Variants in FOCAD observed in about 807,000 individuals in gnomAD.
The protein encoded by FOCAD is KIAA1797.
Under a neutral mutation model 225.6 loss-of-function variants are expected in FOCAD, and 198 were observed. That is an observed-to-expected ratio of 0.88 (90% CI 0.78 to 0.99). FOCAD has a LOEUF of 0.99. FOCAD is among the 50% of genes least tolerant of loss of function. FOCAD has a pLI of 0.00. For missense variants in FOCAD, 2,713 were observed against 2,123.6 expected (o/e 1.28, Z -5.46); for synonymous variants, 897 against 755.0 (o/e 1.19, Z -3.08).
chr9:20,937,989 TC>T (rs1405869014), intron 28 of FOCAD, among the ~76,000 whole-genome samples: 2 of 152,028 alleles, frequency 1.3e-5, no homozygotes, highest in South Asian at 2.1e-4. Context: ...ATGCTCATCA[TC>T]ACTGGCCATC....
chr9:20,686,096 A>T (rs7029956), intron 1 of FOCAD, among the ~76,000 whole-genome samples: 32,738 of 152,184 alleles, frequency 0.22, 3,831 homozygotes, highest in African/African-American at 0.31. Flanking sequence ...TTAAATTGTT[A>T]ATATCACTAT....
At chr9:20,782,467 C>T (rs1385770148) in intron 10 of FOCAD, among the ~76,000 whole-genome samples, 1 of 152,144 alleles carries the variant, frequency 6.6e-6, no homozygotes, top group African/African-American at 2.4e-5. Flanking sequence ...AACAGGCCTG[C>T]CACATTCCGT....
At chr9:20,794,207 A>G (rs955691515) in intron 11 of FOCAD, among the ~76,000 whole-genome samples, 10 of 152,236 alleles carry the variant, frequency 6.6e-5, no homozygotes, top group South Asian at 6.2e-4. Context: ...AAGTAACAGA[A>G]CTTAGAGAGC....
rs145021526 is a variant in FOCAD at position 20,995,556 on chromosome 9, C to T, written c.5333C>T (p.Ala1778Val). ...LSAQSRDLLK[A>V]TLLSLRVLPE... ...CCATACCTATATTTTGTCCCCTTAG[C>T]CACCCTGCTGTCCTTGAGAGTTCTC... is the stretch of plus-strand genomic sequence containing the variant. The change falls in exon 44 of 44, where the codon GCC becomes GTC. Residue 1778 changes from alanine (A) to valine (V), a missense_variant and splice_region_variant. Transcript: ENST00000338382. 4,284 of 1,611,948 alleles carry T rather than the reference C, an allele frequency of 2.7e-3. 5 individuals carry two copies. The highest frequency in any genetic ancestry group is 3.5e-3 in the Non-Finnish European group (4,080 of 1,178,248).
At chr9:20,790,214 C>G (rs1213025553) in intron 11 of FOCAD, among the ~76,000 whole-genome samples, 1 of 152,120 alleles carries the variant, frequency 6.6e-6, no homozygotes, top group Non-Finnish European at 1.5e-5. Flanking sequence ...CTTTCCCCAG[C>G]CTTTTACACT....
At chr9:20,761,624 G>A (rs188037872) in intron 6 of FOCAD, among the ~76,000 whole-genome samples, 102 of 152,128 alleles carry the variant, frequency 6.7e-4, no homozygotes, top group Admixed American at 2.6e-3. Context: ...GTTTCACTGT[G>A]TTAGCTAGGA....
chr9:20,949,640 G>C lies in FOCAD; in HGVS notation c.3913G>C (p.Gly1305Arg). The C allele has an allele frequency of 6.2e-7, 1 of 1,613,142 alleles. No homozygotes were observed. ...AGCCATCCAGACCTCTCATTTTCAA[G>C]GCAGACTTAATGAAGTCATTAGAAC... ...SEAIQTSHFQ[G>R]RLNEVIRTLT... The change falls in exon 33 of 44, where the codon GGC becomes CGC. Residue 1305 changes from glycine (G) to arginine (R), a missense_variant. Transcript: ENST00000338382.
At chr9:20,679,245 T>A (rs1469004816) in intron 2 of FOCAD, among the ~76,000 whole-genome samples, 2 of 151,934 alleles carry the variant, frequency 1.3e-5, no homozygotes, top group African/African-American at 4.8e-5. Flanking sequence ...GAACTTTCGC[T>A]TTTACTTAGA....
At chr9:20,778,851 A>C (rs1209721327) in intron 9 of FOCAD, 83 bp downstream of exon 9, 3 of 662,110 alleles carry the variant, frequency 4.5e-6, no homozygotes, top group Non-Finnish European at 7.5e-6. Context: ...GTATCCTGCT[A>C]TCTTGTGTAT....
At chr9:20,992,591 C>G (rs1260328293) in intron 42 of FOCAD, among the ~76,000 whole-genome samples, 1 of 152,030 alleles carries the variant, frequency 6.6e-6, no homozygotes, top group Non-Finnish European at 1.5e-5. Flanking sequence ...TCTCTCTGGG[C>G]CCATCAGAGT....
intron 1 of FOCAD, among the ~76,000 whole-genome samples, chr9:20,702,099 GTTATTA>G (rs111348108): frequency 1.3e-5 from 2 of 150,986 alleles, no homozygotes; most frequent in African/African-American, 2.4e-5. Context: ...TATTGTTATT[GTTATTA>G]TTATTATTAT....
chr9:20,787,145 T>A (rs1248077645), intron 10 of FOCAD: 1 of 167,160 alleles, frequency 6.0e-6, no homozygotes, highest in Non-Finnish European at 1.3e-5. Flanking sequence ...ACAGTTCAAG[T>A]AACCTAGGAT....
chr9:20,815,664 T>G (rs2131381094), intron 11 of FOCAD, among the ~76,000 whole-genome samples: 1 of 152,226 alleles, frequency 6.6e-6, no homozygotes, highest in East Asian at 1.9e-4. Flanking sequence ...ATCAAGGAAC[T>G]TAAACGCTGG....
chr9:20,986,441 C>G lies in FOCAD; in HGVS notation c.4882C>G (p.Arg1628Gly), dbSNP rs189041170. The change falls in exon 40 of 44, where the codon CGG (arginine) becomes GGG (glycine). Residue 1628 changes from arginine to glycine, a missense_variant. Coordinates refer to ENST00000338382, the MANE Select transcript of FOCAD (RefSeq NM_001375567.1). The part of the protein sequence containing the change: ...WMILHSLYQA[R>G]IVSHANTGVL... Reference sequence around the variant, plus strand: ...GATTCTGCACAGCTTATACCAGGCACGGATTGTGAGCCATGCCAATACGGG... The same window carrying G: ...GATTCTGCACAGCTTATACCAGGCAGGGATTGTGAGCCATGCCAATACGGG... 2.1e-5 allele frequency: 34 copies of G among 1,611,056 alleles called. No individual in the cohort carries two copies. The highest frequency in any genetic ancestry group is 1.7e-4 in the Middle Eastern group (1 of 6,056).
chr9:20,856,000 A>C (rs1828143780), intron 15 of FOCAD, among the ~76,000 whole-genome samples: 1 of 151,796 alleles, frequency 6.6e-6, no homozygotes, highest in African/African-American at 2.4e-5. Flanking sequence ...GTTGATGGAC[A>C]CTTAGGTTGC....
chr9:20,764,679 T>A (rs756169574), intron 6 of FOCAD, among the ~76,000 whole-genome samples, 190 bp from the exon 7 acceptor site: 1 of 152,234 alleles, frequency 6.6e-6, no homozygotes, highest in Non-Finnish European at 1.5e-5. Context: ...ATAATTTTCC[T>A]CAGTGTACAA....
chr9:20,770,260 A>C, intron 8 of FOCAD, 22 bp downstream of exon 8: 4 of 1,589,368 alleles, frequency 2.5e-6, no homozygotes, highest in Non-Finnish European at 3.5e-6. Context: ...AGTATATTAT[A>C]CTGTTCATGC....
At chr9:20,934,545 G>A (rs560215025) in intron 28 of FOCAD, among the ~76,000 whole-genome samples, 114 of 151,286 alleles carry the variant, frequency 7.5e-4, no homozygotes, top group Non-Finnish European at 1.4e-3. Context: ...TTGAAGATCC[G>A]TTGGCTGTAT....
intron 8 of FOCAD, among the ~76,000 whole-genome samples, chr9:20,777,620 C>G (rs1361208055): frequency 2.0e-5 from 3 of 152,110 alleles, no homozygotes; most frequent in Non-Finnish European, 4.4e-5. Flanking sequence ...CGAAAATAAT[C>G]TCTACCTCCC....
Sources: gnomAD v4.1 joint callset for allele counts (sites outside exome capture counted in the v4.1 genomes callset) on GRCh38, gnomAD v4.1.1 for gene constraint, MANE v1.5 for transcripts, NCBI Gene and HGNC (gene_info 2026-07-23, HGNC 2026-07-21) for gene names.